The following KDM4C variants were observed in gnomAD, a reference collection of about 807,000 sequenced individuals.
KDM4C encodes lysine demethylase 4C.
A neutral mutation model predicts 129.3 loss-of-function variants in KDM4C; 81 were observed. That is an observed-to-expected ratio of 0.63 (90% CI 0.52 to 0.75). KDM4C has a LOEUF of 0.75. KDM4C is among the 30% of genes least tolerant of loss of function. The probability of loss-of-function intolerance (pLI) is 0.00; values close to 1 mark genes in which losing one functional copy is unlikely to be tolerated. For synonymous variants in KDM4C, 573 were observed against 456.1 expected (o/e 1.26, Z -3.26); for missense variants, 1,457 against 1,304.0 (o/e 1.12, Z -1.81).
intron 4 of KDM4C, among the ~76,000 whole-genome samples, chr9:6,821,825 G>A (rs763168829): frequency 9.9e-5 from 15 of 152,122 alleles, no homozygotes; most frequent in Non-Finnish European, 2.1e-4. Flanking sequence ...AGCAGAGACC[G>A]TGATTCGCCA....
intron 8 of KDM4C, among the ~76,000 whole-genome samples, chr9:6,962,264 G>T (rs369870278): frequency 1.3e-5 from 2 of 152,174 alleles, no homozygotes; most frequent in African/African-American, 2.4e-5. Flanking sequence ...CCTTCCTGTA[G>T]CAGTGTTTAA....
chr9:7,111,690 A>G (rs961280916), intron 18 of KDM4C, among the ~76,000 whole-genome samples: 4 of 152,130 alleles, frequency 2.6e-5, no homozygotes, highest in African/African-American at 9.7e-5. Context: ...TGGCTCTAAG[A>G]CATGTCAGGT....
At chr9:6,785,502 A>G (rs1825296630) in intron 1 of KDM4C, among the ~76,000 whole-genome samples, 1 of 151,980 alleles carries the variant, frequency 6.6e-6, no homozygotes, top group African/African-American at 2.4e-5. Flanking sequence ...ATGCCTGGCT[A>G]ATTTTTTTGT....
intron 5 of KDM4C, among the ~76,000 whole-genome samples, chr9:6,860,152 A>T (rs1342985983): frequency 6.6e-6 from 1 of 152,192 alleles, no homozygotes; most frequent in Non-Finnish European, 1.5e-5. Flanking sequence ...GAGGGCTGTA[A>T]TGTGGCTAGA....
chr9:7,169,452 C>G (rs1844736848), intron 20 of KDM4C, among the ~76,000 whole-genome samples: 1 of 152,212 alleles, frequency 6.6e-6, no homozygotes, highest in Admixed American at 6.5e-5. Flanking sequence ...TCTCCTGCCT[C>G]AGCCTCCTGA....
chr9:6,992,406 G>A (rs1216036033), intron 12 of KDM4C, among the ~76,000 whole-genome samples: 2 of 152,184 alleles, frequency 1.3e-5, no homozygotes, highest in Admixed American at 6.5e-5. Context: ...TTGTAGAAAC[G>A]ATGATTGTAG....
intron 18 of KDM4C, among the ~76,000 whole-genome samples, chr9:7,121,065 A>G (rs1178126935): frequency 1.3e-5 from 2 of 152,210 alleles, no homozygotes; most frequent in African/African-American, 2.4e-5. Context: ...ACATTTTAGT[A>G]TGTATTTTCT....
intron 16 of KDM4C, 53 bp downstream of exon 16, chr9:7,046,970 A>G (rs1281126146): frequency 7.7e-7 from 1 of 1,299,150 alleles, no homozygotes; most frequent in Non-Finnish European, 1.1e-6. Context: ...TCTCCATTCT[A>G]GAACCTTTGG....
At chr9:7,080,468 C>T (rs1436378804) in intron 17 of KDM4C, among the ~76,000 whole-genome samples, 1 of 152,180 alleles carries the variant, frequency 6.6e-6, no homozygotes, top group Non-Finnish European at 1.5e-5. Flanking sequence ...CTTTTACTCA[C>T]TGTTGATTGT....
intron 17 of KDM4C, among the ~76,000 whole-genome samples, chr9:7,074,647 C>T (rs1319933661): frequency 6.6e-6 from 1 of 152,038 alleles, no homozygotes; most frequent in East Asian, 1.9e-4. Flanking sequence ...TGCAATATTC[C>T]AGGCATCTTA....
At chr9:7,149,137 C>G (rs1842489783) in intron 19 of KDM4C, among the ~76,000 whole-genome samples, 1 of 152,224 alleles carries the variant, frequency 6.6e-6, no homozygotes, top group Non-Finnish European at 1.5e-5. Context: ...GCCCCTTGGC[C>G]TCACTCCCGT....
intron 16 of KDM4C, among the ~76,000 whole-genome samples, chr9:7,048,085 G>C (rs1394578652): frequency 6.6e-6 from 1 of 152,074 alleles, no homozygotes; most frequent in Non-Finnish European, 1.5e-5. Context: ...TGGTTGATAT[G>C]ATTCGCACTA....
chr9:6,990,360 TTTTG>T, intron 11 of KDM4C, 52 bp from the exon 12 acceptor site: 5 of 1,146,306 alleles, frequency 4.4e-6, no homozygotes, highest in East Asian at 2.4e-5. Context: ...GGTTTTTTTT[TTTTG>T]TAGTTTGTTT....
chr9:6,994,007 C>G (rs1042029776), intron 12 of KDM4C, among the ~76,000 whole-genome samples: 7 of 152,056 alleles, frequency 4.6e-5, no homozygotes, highest in Non-Finnish European at 1.5e-5. Context: ...TTGTAGAAGA[C>G]AGTTTTTCCA....
At chr9:6,795,602 G>GCC (rs1827582252) in intron 2 of KDM4C, among the ~76,000 whole-genome samples, 1 of 151,744 alleles carries the variant, frequency 6.6e-6, no homozygotes, top group Non-Finnish European at 1.5e-5. Flanking sequence ...AAAATGCTGG[G>GCC]ATTATAGGCA....
intron 18 of KDM4C, among the ~76,000 whole-genome samples, chr9:7,107,742 G>C (rs1222214189): frequency 6.6e-6 from 1 of 152,206 alleles, no homozygotes; most frequent in African/African-American, 2.4e-5. Flanking sequence ...CTATTTAAAA[G>C]AGAGGAAGAA....
At chr9:6,729,748 C>T (rs1252483025) in intron 1 of KDM4C, among the ~76,000 whole-genome samples, 1 of 133,956 alleles carries the variant, frequency 7.5e-6, no homozygotes, top group Non-Finnish European at 1.5e-5. Flanking sequence ...TGATTTCCAG[C>T]CAGATGTGCA....
intron 12 of KDM4C, among the ~76,000 whole-genome samples, chr9:6,993,537 C>T (rs941417279): frequency 1.3e-5 from 2 of 152,126 alleles, no homozygotes; most frequent in Non-Finnish European, 2.9e-5. Flanking sequence ...TGTACGTATT[C>T]TTCTGTTGCC....
chr9:6,881,187 T>C (rs1844391900), intron 6 of KDM4C, among the ~76,000 whole-genome samples: 2 of 152,228 alleles, frequency 1.3e-5, no homozygotes, highest in Non-Finnish European at 2.9e-5. Context: ...ACAGAAACTG[T>C]TAATGGCACC....
Sources: allele counts gnomAD v4.1 joint callset (sites outside exome capture counted in the v4.1 genomes callset), GRCh38; gene constraint gnomAD v4.1.1; transcripts MANE v1.5; gene names NCBI Gene and HGNC (gene_info 2026-07-23, HGNC 2026-07-21).